The following GALNT14 variants were observed in gnomAD, a reference collection of about 807,000 sequenced individuals.
GALNT14 encodes UDP-GalNAc:polypeptide N-acetylgalactosaminyltransferase 14.
A neutral mutation model predicts 77.5 loss-of-function variants in GALNT14; 60 were observed. That is an observed-to-expected ratio of 0.77 (90% CI 0.63 to 0.96). The LOEUF is 0.96. Among genes scored for constraint, GALNT14 ranks in the 40% least tolerant of loss-of-function variants. The probability of loss-of-function intolerance (pLI) is 0.00; values close to 1 mark genes in which losing one functional copy is unlikely to be tolerated. For synonymous variants in GALNT14, 280 were observed against 281.7 expected, an observed-to-expected ratio of 0.99 and a Z score of 0.06; for missense variants, 710 against 731.0, an observed-to-expected ratio of 0.97 and a Z score of 0.33.
At chr2:31,092,148 T>C (rs186425562) in intron 1 of GALNT14, among the ~76,000 whole-genome samples, 6 of 152,284 alleles carry the variant, frequency 3.9e-5, no homozygotes, top group African/African-American at 1.2e-4. Flanking sequence ...TTGGCTTCCC[T>C]ACTTTTGAGG....
intron 1 of GALNT14, among the ~76,000 whole-genome samples, chr2:31,108,376 GT>G (rs1677667379): frequency 6.6e-6 from 1 of 152,230 alleles, no homozygotes; most frequent in South Asian, 2.1e-4. Context: ...TGAACAGTAA[GT>G]TTTTTCCGAG....
intron 1 of GALNT14, among the ~76,000 whole-genome samples, chr2:31,134,740 G>C (rs1351844928): frequency 1.3e-5 from 2 of 152,164 alleles, no homozygotes; most frequent in Non-Finnish European, 2.9e-5. Context: ...TGAGCCAAGG[G>C]AGCTCTGGGA....
At chr2:30,924,490 C>G (rs1665236766) in intron 12 of GALNT14, among the ~76,000 whole-genome samples, 1 of 152,180 alleles carries the variant, frequency 6.6e-6, no homozygotes, top group Admixed American at 6.5e-5. Context: ...GTCAGTGAGT[C>G]TGTAAGTCAG....
At chr2:30,935,653 A>G (rs546580733) in intron 9 of GALNT14, among the ~76,000 whole-genome samples, 8 of 152,326 alleles carry the variant, frequency 5.3e-5, no homozygotes, top group South Asian at 2.1e-4. Context: ...TAGGGATGAC[A>G]GTGTGGGTTA....
chr2:30,891,471 GAA>G, the GALNT14 span, among the ~76,000 whole-genome samples: 4 of 152,038 alleles, frequency 2.6e-5, no homozygotes, highest in Non-Finnish European at 5.9e-5. Flanking sequence ...ACTTGGTAAA[GAA>G]AAAAATTAAA....
chr2:31,087,670 CAAG>C (rs1676514132), intron 1 of GALNT14, among the ~76,000 whole-genome samples: 1 of 152,066 alleles, frequency 6.6e-6, no homozygotes, highest in Admixed American at 6.5e-5. Flanking sequence ...GAAAGGAATT[CAAG>C]AAGGAGGGAG....
intron 13 of GALNT14, among the ~76,000 whole-genome samples, chr2:30,915,512 G>GC (rs879827069): frequency 6.6e-6 from 1 of 152,208 alleles, no homozygotes; most frequent in Non-Finnish European, 1.5e-5. Context: ...GGAAACAGGA[G>GC]CATACAGGTG....
chr2:31,080,401 A>ACTCT (rs1410830062), intron 1 of GALNT14, among the ~76,000 whole-genome samples: 2 of 152,278 alleles, frequency 1.3e-5, no homozygotes, highest in Middle Eastern at 3.4e-3. Context: ...AACTGGGTGT[A>ACTCT]CTCTATTTTT....
chr2:31,062,291 C>T (rs1674649036), intron 1 of GALNT14, among the ~76,000 whole-genome samples: 1 of 152,212 alleles, frequency 6.6e-6, no homozygotes, highest in Admixed American at 6.5e-5. Flanking sequence ...TCAACTCCCA[C>T]TTATGACTGA....
intron 2 of GALNT14, among the ~76,000 whole-genome samples, chr2:30,979,393 T>C (rs541777704): frequency 2.6e-5 from 4 of 151,842 alleles, no homozygotes; most frequent in Non-Finnish European, 5.9e-5. Context: ...AAGAGGGTGT[T>C]TGCTACCTTG....
At position 30,958,457 on chromosome 2, in the gene GALNT14, T is replaced by G; in HGVS notation, c.406A>C (p.Asn136His). ...TLLRTIRSVL[N>H]RTPTHLIREI... ...CGGATCAGATGCGTAGGGGTGCGGT[T>G]TAATACACTGCAAGATGGAAACAGA... The change falls in exon 4 of 15, where the codon AAC becomes CAC. Residue 136 changes from asparagine to histidine, a missense_variant. Physicochemically the swap from Asn to His is moderately conservative, Grantham distance 68. Coordinates refer to ENST00000349752, the MANE Select transcript of GALNT14 (RefSeq NM_024572.4). 1 of 1,613,944 alleles carries G rather than the reference T, an allele frequency of 6.2e-7. No individual in the cohort carries two copies. The highest frequency in any genetic ancestry group is 1.6e-4 in the Middle Eastern group (1 of 6,062).
At chr2:30,933,234 G>A (rs1381888806) in intron 9 of GALNT14, among the ~76,000 whole-genome samples, 1 of 152,136 alleles carries the variant, frequency 6.6e-6, no homozygotes, top group East Asian at 1.9e-4. Context: ...ACCACAGCGA[G>A]GGCAGGCTGC....
intron 1 of GALNT14, among the ~76,000 whole-genome samples, chr2:31,118,033 T>C (rs1052072080): frequency 6.6e-6 from 1 of 152,206 alleles, no homozygotes; most frequent in African/African-American, 2.4e-5. Context: ...AGTTACATGC[T>C]ACTTAAAGCA....
chr2:31,068,597 T>A (rs1675145247), intron 1 of GALNT14, among the ~76,000 whole-genome samples: 1 of 151,158 alleles, frequency 6.6e-6, no homozygotes, highest in African/African-American at 2.4e-5. Flanking sequence ...CTGTTCTACC[T>A]CCCCCTGCAA....
At chr2:31,117,039 G>GA (rs577794814) in intron 1 of GALNT14, among the ~76,000 whole-genome samples, 80 of 147,264 alleles carry the variant, frequency 5.4e-4, no homozygotes, top group East Asian at 2.0e-3. Context: ...CTCTATCTCA[G>GA]AAAAAAAAAA....
rs750520970 is a variant in GALNT14, at chr2:31,111,548, A to C, written c.129+26410T>G. Among the ~76,000 whole-genome samples the C allele has an allele frequency of 3.9e-5, 6 of 152,328 alleles. No homozygotes were observed. The East Asian group carries it at 7.7e-4, about 20-fold the overall frequency. On this transcript the variant is annotated intron_variant, in intron 1 of 14. Transcript: ENST00000349752. ...GTGTGGCTTTTACCCATGGCTTTAA[A>C]CTACAACCCATTAAGCAGAAAATAA...
intron 13 of GALNT14, among the ~76,000 whole-genome samples, chr2:30,916,394 C>T (rs778556955): frequency 7.2e-5 from 11 of 152,318 alleles, no homozygotes; most frequent in Admixed American, 2.0e-4. Flanking sequence ...GCTCAACCCT[C>T]GGTTTGGTCC....
chr2:30,890,756 G>T, the GALNT14 span, among the ~76,000 whole-genome samples: 26,061 of 152,100 alleles, frequency 0.17, 2,392 homozygotes, highest in Middle Eastern at 0.21. Context: ...TCTCTCATTA[G>T]AGAAAACATA....
At chr2:31,058,838 A>G (rs1674405762) in intron 1 of GALNT14, among the ~76,000 whole-genome samples, 2 of 152,258 alleles carry the variant, frequency 1.3e-5, no homozygotes, top group Non-Finnish European at 2.9e-5. Flanking sequence ...AAAGTCAATT[A>G]TCTGCCAAAT....
Sources: allele counts gnomAD v4.1 joint callset (sites outside exome capture counted in the v4.1 genomes callset), GRCh38; gene constraint gnomAD v4.1.1; transcripts MANE v1.5; gene names NCBI Gene and HGNC (gene_info 2026-07-23, HGNC 2026-07-21).